The following ZBTB16 variants were observed in gnomAD, a reference collection of about 807,000 sequenced individuals.
ZBTB16 encodes the protein zinc finger and BTB domain-containing protein 16.
Under a neutral mutation model 56.8 loss-of-function variants are expected in ZBTB16, and 8 were observed. That is an observed-to-expected ratio of 0.14 (90% CI 0.08 to 0.25). The LOEUF (loss-of-function observed/expected upper bound fraction) is 0.25. ZBTB16 is among the 10% of genes least tolerant of loss of function. The pLI, the probability that ZBTB16 is intolerant of heterozygous loss-of-function variation, is 1.00. For synonymous variants in ZBTB16, 363 were observed against 368.5 expected (o/e 0.98, Z 0.17); for missense variants, 625 against 903.0 (o/e 0.69, Z 3.95).
At chr11:114,180,964 C>T (rs1943233731) in intron 3 of ZBTB16, 1 of 152,242 alleles carries the variant, frequency 6.6e-6, no homozygotes, top group Non-Finnish European at 1.5e-5. Context: ...GCTGCTGATA[C>T]TGACATATTG....
intron 6 of ZBTB16, among the ~76,000 whole-genome samples, chr11:114,249,662 G>A (rs948249893): frequency 4.1e-5 from 6 of 146,144 alleles, no homozygotes; most frequent in African/African-American, 1.5e-4. Context: ...CTACTCGGGA[G>A]GCTGAGGCAG....
At chr11:114,149,668 T>C (rs981083703) in intron 2 of ZBTB16, among the ~76,000 whole-genome samples, 1 of 152,234 alleles carries the variant, frequency 6.6e-6, no homozygotes, top group Admixed American at 6.5e-5. Flanking sequence ...ACGAACTCTA[T>C]TGCTAGAAGG....
Position 114,060,728 on chromosome 11 carries a change from G to C in ZBTB16, c.-91+846G>C, listed in dbSNP as rs577948942. The C allele has an allele frequency of 6.6e-6, 1 of 152,314 alleles. No homozygotes were observed. Among genetic ancestry groups the C allele is most frequent in the African/African-American group, 2.4e-5 (1 of 41,448 alleles). 9.4% of individuals were successfully genotyped at this position (152,314 alleles called of 1,614,324 possible). Reference sequence around the variant, plus strand: ...CGCCGGCCCGCGGAACCACCCGGACGCACGGAGCGCTCCGCACCGACTCGC... The same window carrying C: ...CGCCGGCCCGCGGAACCACCCGGACCCACGGAGCGCTCCGCACCGACTCGC... On this transcript the variant is annotated intron_variant, in intron 1 of 6. Coordinates refer to ENST00000335953, the MANE Select transcript of ZBTB16 (RefSeq NM_006006.6). This position sits in a 1 kb window ranked among gnomAD's most constrained non-coding sequence, Gnocchi z 6.0.
At chr11:114,241,704 C>CA (rs1429186613) in intron 4 of ZBTB16, among the ~76,000 whole-genome samples, 1 of 152,148 alleles carries the variant, frequency 6.6e-6, no homozygotes, top group Non-Finnish European at 1.5e-5. Flanking sequence ...ATGAGGATAA[C>CA]AGAGGCTAGC....
intron 3 of ZBTB16, among the ~76,000 whole-genome samples, chr11:114,179,665 C>T (rs1280496922): frequency 6.6e-6 from 1 of 151,842 alleles, no homozygotes; most frequent in South Asian, 2.1e-4. Context: ...TTTTTTTTCT[C>T]CCTTCTTATT....
intron 4 of ZBTB16, among the ~76,000 whole-genome samples, chr11:114,233,127 T>A (rs11214909): frequency 0.13 from 6,482 of 50,954 alleles, 270 homozygotes; most frequent in South Asian, 0.17. Context: ...ACACACACAC[T>A]CTCTCTCTCT....
At chr11:114,204,808 T>C (rs1007797267) in intron 4 of ZBTB16, among the ~76,000 whole-genome samples, 1 of 152,166 alleles carries the variant, frequency 6.6e-6, no homozygotes, top group African/African-American at 2.4e-5. Flanking sequence ...GCTGGGAACA[T>C]ATCCAGTCCC....
In ZBTB16 at chr11:114,254,170, T is replaced by G. The variant is rs1232958180; in HGVS notation, c.*3615T>G. ...TATGTATATATAGGATAGACAAATA[T>G]ATAGATATATAGATATATATATATA... On this transcript the variant is annotated 3_prime_UTR_variant, in exon 7 of 7. Transcript: ENST00000335953. Among the ~76,000 whole-genome samples the G allele has an allele frequency of 6.6e-6, 1 of 150,666 alleles. No homozygotes were observed. Among genetic ancestry groups the G allele is most frequent in the Admixed American group, 6.6e-5 (1 of 15,060 alleles).
intron 2 of ZBTB16, among the ~76,000 whole-genome samples, chr11:114,098,081 T>G (rs1202714815): frequency 1.3e-5 from 2 of 152,204 alleles, no homozygotes; most frequent in African/African-American, 4.8e-5. Flanking sequence ...TTTGTGAGCT[T>G]CTCAACAGCA....
rs1220972957 is a variant in ZBTB16, at chr11:114,063,212, C to T, written c.-89C>T. 2.1e-6 allele frequency: 3 copies of T among 1,431,932 alleles called. No homozygotes were observed. Among genetic ancestry groups the T allele is most frequent in the South Asian group, 1.2e-5 (1 of 83,150 alleles). 88.7% of individuals were successfully genotyped at this position (1,431,932 alleles called of 1,614,324 possible). A position where few individuals can be genotyped will look rare whatever the true frequency, so the allele number is the denominator to read the frequency against. ...TTCTTCCCCTCTTCTTTCTCCTAGC[C>T]TCCTCTATTGGCCCAGGAAGCCCAC... On this transcript the variant is annotated splice_region_variant and 5_prime_UTR_variant, in exon 2 of 7. Coordinates refer to ENST00000335953, the MANE Select transcript of ZBTB16 (RefSeq NM_006006.6). This position sits in a 1 kb window ranked among gnomAD's most constrained non-coding sequence, Gnocchi z 6.5.
rs563058267 is a variant in ZBTB16, at chr11:114,241,399, C to T, written c.1454-768C>T. Among the ~76,000 whole-genome samples, 5 of 152,230 alleles carry T rather than the reference C, an allele frequency of 3.3e-5. No homozygotes were observed. In the South Asian group the frequency reaches 6.2e-4, roughly 19 times the overall value. On this transcript the variant is annotated intron_variant, in intron 4 of 6. Transcript: ENST00000335953. ...GCTGGGCTGCACAGCAGGAGGCGAG[C>T]GAGTGAAACTGAGCTCCGCCTCCTG...
intron 2 of ZBTB16, among the ~76,000 whole-genome samples, chr11:114,106,152 G>A (rs527702610): frequency 2.7e-4 from 41 of 152,140 alleles, no homozygotes; most frequent in Non-Finnish European, 4.8e-4. Flanking sequence ...CGCTGTTCTG[G>A]ATGGTGCCTC....
At chr11:114,239,610 T>C (rs559201468) in intron 4 of ZBTB16, among the ~76,000 whole-genome samples, 1 of 152,296 alleles carries the variant, frequency 6.6e-6, no homozygotes, top group South Asian at 2.1e-4. Flanking sequence ...CTCCAGCAAG[T>C]GAAGCTGAGT....
rs1258628563 is a variant in ZBTB16 at position 114,060,801 on chromosome 11, GGCCGCTGGC to G, written c.-91+929_-91+937del. 2.4e-4 allele frequency among the ~76,000 whole-genome samples: 37 copies of G among 152,192 alleles called. No individual in the cohort carries two copies. Among genetic ancestry groups the G allele is most frequent in the African/African-American group, 7.0e-4 (29 of 41,530 alleles). On this transcript the variant is annotated intron_variant, in intron 1 of 6. Coordinates refer to ENST00000335953, the MANE Select transcript of ZBTB16 (RefSeq NM_006006.6). The surrounding 1 kb of genome is among the most constrained non-coding windows in gnomAD (Gnocchi z 6.0). ...GCACCGTGCTTGGGCCGGGCGCGCT[GGCCGCTGGC>G]GCCGCTGGCCAGAGGCCTGGGACCC... is the stretch of plus-strand genomic sequence containing the variant.
At chr11:114,232,527 C>G (rs554273936) in intron 4 of ZBTB16, among the ~76,000 whole-genome samples, 1 of 151,776 alleles carries the variant, frequency 6.6e-6, no homozygotes, top group South Asian at 2.1e-4. Flanking sequence ...GATCCCATCT[C>G]AGAGGCACCT....
At chr11:114,104,175 G>T (rs1438004972) in intron 2 of ZBTB16, among the ~76,000 whole-genome samples, 1 of 152,152 alleles carries the variant, frequency 6.6e-6, no homozygotes, top group African/African-American at 2.4e-5. Flanking sequence ...TTTTATCCCA[G>T]GGTGAACGTG....
intron 2 of ZBTB16, among the ~76,000 whole-genome samples, chr11:114,134,074 C>T (rs570375397): frequency 6.6e-6 from 1 of 152,230 alleles, no homozygotes; most frequent in Non-Finnish European, 1.5e-5. Flanking sequence ...AACACTGGAT[C>T]GTGACAGTTT....
At chr11:114,148,376 CCTTCCTT>C (rs1942170168) in intron 2 of ZBTB16, among the ~76,000 whole-genome samples, 1 of 142,638 alleles carries the variant, frequency 7.0e-6, no homozygotes, top group African/African-American at 2.7e-5. Context: ...TTCCTTCCTT[CCTTCCTT>C]CCTTCCTCCT....
intron 4 of ZBTB16, among the ~76,000 whole-genome samples, chr11:114,193,354 T>C (rs1489002463): frequency 6.6e-6 from 1 of 152,118 alleles, no homozygotes; most frequent in Non-Finnish European, 1.5e-5. Context: ...CCAGCCTTAG[T>C]GTGAGCTGTG....
Sources: allele counts gnomAD v4.1 joint callset (sites outside exome capture counted in the v4.1 genomes callset), GRCh38; gene constraint gnomAD v4.1.1; non-coding constraint Gnocchi (gnomAD v3.1); transcripts MANE v1.5; gene names NCBI Gene and HGNC (gene_info 2026-07-23, HGNC 2026-07-21).